The following CACNG3 variants were observed in gnomAD, a reference collection of about 807,000 sequenced individuals.
CACNG3 encodes the protein calcium voltage-gated channel auxiliary subunit gamma 3, also known as voltage-dependent calcium channel gamma-3 subunit.
In CACNG3, 3 loss-of-function variants were observed where a neutral mutation model predicts 28.5. That is an observed-to-expected ratio of 0.11 (90% CI 0.05 to 0.27). The LOEUF is 0.27. CACNG3 is among the 10% of genes least tolerant of loss of function. The pLI is 1.00. For missense variants in CACNG3, 236 were observed against 414.4 expected (o/e 0.57, Z 3.74); for synonymous variants, 174 against 162.2 (o/e 1.07, Z -0.55).
intron 1 of CACNG3, among the ~76,000 whole-genome samples, chr16:24,332,078 G>A (rs78836693): frequency 0.13 from 19,852 of 152,192 alleles, 1,713 homozygotes; most frequent in Non-Finnish European, 0.18. Context: ...TAACAGCCTG[G>A]TCTATTTTGT....
intron 1 of CACNG3, among the ~76,000 whole-genome samples, chr16:24,290,011 C>A (rs547138863): frequency 6.6e-6 from 1 of 152,230 alleles, no homozygotes; most frequent in African/African-American, 2.4e-5. Flanking sequence ...CAGAGGCTTG[C>A]GCCCTAGCAG....
intron 1 of CACNG3, among the ~76,000 whole-genome samples, chr16:24,264,033 G>C (rs1222346462): frequency 6.6e-6 from 1 of 152,268 alleles, no homozygotes; most frequent in East Asian, 1.9e-4. Context: ...ACAGAGCTAA[G>C]AGGAGGCATG....
At chr16:24,329,358 G>A (rs1289815758) in intron 1 of CACNG3, among the ~76,000 whole-genome samples, 4 of 152,212 alleles carry the variant, frequency 2.6e-5, no homozygotes, top group Non-Finnish European at 5.9e-5. Flanking sequence ...GCTGACCAGC[G>A]AAGGTTGAAA....
At chr16:24,306,473 C>G (rs1183114460) in intron 1 of CACNG3, among the ~76,000 whole-genome samples, 3 of 152,184 alleles carry the variant, frequency 2.0e-5, no homozygotes, top group Admixed American at 6.5e-5. Flanking sequence ...GTTAGGGGCT[C>G]TTTCCCACCT....
chr16:24,341,870 T>C (rs1348210563), intron 1 of CACNG3, among the ~76,000 whole-genome samples: 1 of 152,238 alleles, frequency 6.6e-6, no homozygotes, highest in South Asian at 2.1e-4. Flanking sequence ...AGCTACGTCA[T>C]CCAGGGATTC....
Position 24,354,814 on chromosome 16 carries a change from T to C in CACNG3, c.296-19T>C. 1 of 1,609,794 alleles carries C rather than the reference T, an allele frequency of 6.2e-7. No homozygotes were observed. Among genetic ancestry groups the C allele is most frequent in the Non-Finnish European group, 8.5e-7 (1 of 1,178,202 alleles). On this transcript the variant is annotated intron_variant, in intron 2 of 3. Coordinates refer to ENST00000005284, the MANE Select transcript of CACNG3 (RefSeq NM_006539.4). ...GGCTGGCTGGGCACAGGCAGAAGCCTCTCTCCTTCTCTCCGCAGGAGCTGT... is the reference window on the plus strand; with the variant it reads ...GGCTGGCTGGGCACAGGCAGAAGCCCCTCTCCTTCTCTCCGCAGGAGCTGT...
chr16:24,358,295 C>A (rs1900062588), intron 3 of CACNG3, among the ~76,000 whole-genome samples: 1 of 152,246 alleles, frequency 6.6e-6, no homozygotes, highest in Non-Finnish European at 1.5e-5. Flanking sequence ...TGTAGCTCTA[C>A]TACTTTCCTG....
At chr16:24,300,771 C>T (rs1899097992) in intron 1 of CACNG3, among the ~76,000 whole-genome samples, 1 of 152,030 alleles carries the variant, frequency 6.6e-6, no homozygotes, top group Non-Finnish European at 1.5e-5. Context: ...CAAAAATTAG[C>T]TGGGTGGGCC....
At chr16:24,331,738 T>C (rs1378721537) in intron 1 of CACNG3, among the ~76,000 whole-genome samples, 1 of 152,226 alleles carries the variant, frequency 6.6e-6, no homozygotes, top group African/African-American at 2.4e-5. Flanking sequence ...TCACTCATTC[T>C]GCTCCAGTTG....
chr16:24,361,905 G>T lies in CACNG3; in HGVS notation c.*42G>T. 6.4e-7 allele frequency: 1 copy of T among 1,557,868 alleles called. No individual in the cohort carries two copies. Among genetic ancestry groups the T allele is most frequent in the South Asian group, 1.2e-5 (1 of 83,112 alleles). The stretch of plus-strand genomic sequence containing the variant: ...TGCCCCACGCCCAGCACAGCCTTGG[G>T]GGAAGTGTACAGAGATGTCTCTGAG... On this transcript the variant is annotated 3_prime_UTR_variant, in exon 4 of 4. Coordinates refer to ENST00000005284, the MANE Select transcript of CACNG3 (RefSeq NM_006539.4). This position sits in a 1 kb window ranked among gnomAD's most constrained non-coding sequence, Gnocchi z 6.8.
chr16:24,346,845 C>T (rs1323062082), intron 2 of CACNG3, 28 bp downstream of exon 2: 3 of 1,582,484 alleles, frequency 1.9e-6, no homozygotes, highest in African/African-American at 1.3e-5. Context: ...TCGGGTCTCT[C>T]TGGGAGGAAG....
chr16:24,320,727 C>CTAATT (rs1555460756), intron 1 of CACNG3, among the ~76,000 whole-genome samples: 1 of 151,898 alleles, frequency 6.6e-6, no homozygotes, highest in African/African-American at 2.4e-5. Flanking sequence ...ATACGTTTTT[C>CTAATT]TTATTTTATT....
At chr16:24,286,682 C>T (rs1034244025) in intron 1 of CACNG3, among the ~76,000 whole-genome samples, 1 of 152,168 alleles carries the variant, frequency 6.6e-6, no homozygotes, top group Non-Finnish European at 1.5e-5. Flanking sequence ...GTCTTACTCT[C>T]ATAGTTATGT....
intron 1 of CACNG3, among the ~76,000 whole-genome samples, chr16:24,264,005 A>G (rs755461455): frequency 6.6e-6 from 1 of 152,232 alleles, no homozygotes; most frequent in Non-Finnish European, 1.5e-5. Context: ...CACCTCAGCA[A>G]GGGACTTGGA....
At chr16:24,297,087 C>CA (rs1355731006) in intron 1 of CACNG3, among the ~76,000 whole-genome samples, 2 of 151,834 alleles carry the variant, frequency 1.3e-5, no homozygotes, top group Admixed American at 1.3e-4. Context: ...CCTGTTTCCA[C>CA]AAAAAACAGA....
intron 1 of CACNG3, among the ~76,000 whole-genome samples, chr16:24,300,165 T>C (rs1439644603): frequency 7.2e-5 from 11 of 152,166 alleles, no homozygotes; most frequent in Admixed American, 7.2e-4. Context: ...AGCATCTTCT[T>C]TTGAGTGATG....
chr16:24,268,940 A>G (rs1898649373), intron 1 of CACNG3, among the ~76,000 whole-genome samples: 1 of 152,196 alleles, frequency 6.6e-6, no homozygotes, highest in Non-Finnish European at 1.5e-5. Flanking sequence ...ACTCTGTAAC[A>G]TAGACGATGC....
intron 1 of CACNG3, among the ~76,000 whole-genome samples, chr16:24,317,606 G>GAAAGAAAGAAAGAAAGAA (rs1899378344): frequency 3.0e-5 from 2 of 66,032 alleles, no homozygotes; most frequent in African/African-American, 1.4e-4. Flanking sequence ...AAGAAAGAAA[G>GAAAGAAAGAAAGAAAGAA]AAAGAAAGAA....
chr16:24,307,580 G>A (rs989860832), intron 1 of CACNG3, among the ~76,000 whole-genome samples: 10 of 152,044 alleles, frequency 6.6e-5, no homozygotes, highest in Admixed American at 3.3e-4. Context: ...AAAAACCTCT[G>A]GTATGCAAAT....
Sources: gnomAD v4.1 joint callset for allele counts (sites outside exome capture counted in the v4.1 genomes callset) on GRCh38, gnomAD v4.1.1 for gene constraint, Gnocchi (gnomAD v3.1) non-coding constraint, MANE v1.5 for transcripts, NCBI Gene and HGNC (gene_info 2026-07-23, HGNC 2026-07-21) for gene names.